Variants in PHF8 observed in about 807,000 individuals in gnomAD.
PHF8 encodes the protein PHD finger protein 8, also known as histone lysine demethylase PHF8.
Under a neutral mutation model 74.4 loss-of-function variants are expected in PHF8, and 9 were observed. The observed-to-expected ratio is 0.12, with a 90% CI of 0.07 to 0.21. The LOEUF is 0.21. Among genes scored for constraint, PHF8 ranks in the 10% least tolerant of loss-of-function variants. The pLI is 1.00. For synonymous variants in PHF8, 311 were observed against 316.6 expected (o/e 0.98, Z 0.19); for missense variants, 478 against 816.6 (o/e 0.59, Z 5.05).
chrX:53,938,962 A>G lies in PHF8; in HGVS notation c.*196T>C. 1 of 1,003,647 alleles carries G rather than the reference A, an allele frequency of 1.0e-6. No individual in the cohort carries two copies. Among genetic ancestry groups the G allele is most frequent in the Non-Finnish European group, 1.3e-6 (1 of 793,836 alleles). The allele number at this position is 1,003,647 out of a possible 1,213,427, so 82.7% of individuals were successfully genotyped here. Reference sequence around the variant, plus strand: ...CTGCTCCTCAGTGGAGAAGGCAGGCAGGATGCTCTAGTGAAAGTGGGGAAG... The same window carrying G: ...CTGCTCCTCAGTGGAGAAGGCAGGCGGGATGCTCTAGTGAAAGTGGGGAAG... On this transcript the variant is annotated 3_prime_UTR_variant, in exon 22 of 22. Coordinates refer to ENST00000338154, the MANE Select transcript of PHF8 (RefSeq NM_015107.3).
chrX:53,960,813 A>C (rs1227716817), intron 19 of PHF8, among the ~76,000 whole-genome samples: 5 of 110,850 alleles, frequency 4.5e-5, no homozygotes, highest in African/African-American at 1.6e-4. Flanking sequence ...AAATTAAAAA[A>C]TGTATAGGGA....
At chrX:53,947,858 G>A (rs782486848) in intron 19 of PHF8, among the ~76,000 whole-genome samples, 2 of 112,144 alleles carry the variant, frequency 1.8e-5, no homozygotes, top group Non-Finnish European at 3.8e-5. Context: ...CTAGTCACAT[G>A]GAGAGGCCAC....
Position 53,985,011 on chromosome X carries a change from C to A in PHF8, c.2346G>T (p.Arg782=). Residue 782 remains arginine (R), a synonymous_variant, in exon 18 of 22, where the codon CGG becomes CGT. Transcript: ENST00000338154. ...QRTPGKRPIK[R]PAYWRTESEE... is the part of the protein sequence containing the mutation. ...CGCTCTCGGTTCTCCAGTATGCTGG[C>A]CGCTTGATGGGCCGCTTCCCTGGGG... 8.3e-7 allele frequency: 1 copy of A among 1,211,125 alleles called. No homozygotes were observed. The highest frequency in any genetic ancestry group is 1.1e-6 in the Non-Finnish European group (1 of 894,776).
At chrX:53,966,648 C>T (rs1449468205) in intron 18 of PHF8, among the ~76,000 whole-genome samples, 78 of 111,605 alleles carry the variant, frequency 7.0e-4, no homozygotes, top group Non-Finnish European at 1.3e-3. Flanking sequence ...ACTGCCCGGC[C>T]GCCACTCCGT....
At chrX:54,026,471 G>T (rs1014336730) in intron 2 of PHF8, among the ~76,000 whole-genome samples, 2 of 110,137 alleles carry the variant, frequency 1.8e-5, no homozygotes, top group African/African-American at 6.6e-5. Flanking sequence ...CCCACTACCT[G>T]CCTCTTCTCT....
intron 19 of PHF8, among the ~76,000 whole-genome samples, chrX:53,957,213 G>A (rs1446513102): frequency 9.1e-6 from 1 of 109,762 alleles, no homozygotes; most frequent in Non-Finnish European, 1.9e-5. Context: ...AAAATTAGCT[G>A]GGTGCGGTGG....
intron 2 of PHF8, among the ~76,000 whole-genome samples, chrX:54,029,356 C>T (rs1364744342): frequency 8.9e-6 from 1 of 111,966 alleles, no homozygotes; most frequent in African/African-American, 3.3e-5. Flanking sequence ...AAAGTATAAA[C>T]TTACCATGGC....
chrX:53,972,513 G>A (rs1243621188), intron 18 of PHF8, among the ~76,000 whole-genome samples: 2 of 110,640 alleles, frequency 1.8e-5, no homozygotes, highest in Admixed American at 9.7e-5. Flanking sequence ...ATCAATAAAC[G>A]TAATTCATCA....
Position 53,990,823 on chromosome X carries a change from A to G in PHF8, c.1730+1913T>C, listed in dbSNP as rs185820375. Among the ~76,000 whole-genome samples, 172 of 111,187 alleles carry G rather than the reference A, an allele frequency of 1.5e-3. 1 individual carries two copies. The highest frequency in any genetic ancestry group is 5.2e-3 in the African/African-American group (159 of 30,577). Reference sequence around the variant, plus strand: ...TCTGAGTATCTAGAAAATAGCCCTTACTGCCTTCCCCTGCCTCTATGTATT... The same window carrying G: ...TCTGAGTATCTAGAAAATAGCCCTTGCTGCCTTCCCCTGCCTCTATGTATT... On this transcript the variant is annotated intron_variant, in intron 14 of 21. Transcript: ENST00000338154.
chrX:53,966,421 A>G (rs1484167693), intron 18 of PHF8, among the ~76,000 whole-genome samples: 8 of 112,238 alleles, frequency 7.1e-5, no homozygotes, highest in Admixed American at 4.7e-4. Context: ...TTTGGTGGAG[A>G]CTGGGTTTCG....
At chrX:54,045,946 G>T (rs1351598805), upstream of PHF8, among the ~76,000 whole-genome samples, 291 of 21,298 alleles carry the variant, frequency 0.014, 1 homozygote, top group East Asian at 0.065. Context: ...ATGGTTTAGG[G>T]TTTTTTTTTT....
chrX:54,048,391 G>C (rs1228760647), upstream of PHF8, among the ~76,000 whole-genome samples: 1 of 111,654 alleles, frequency 9.0e-6, no homozygotes, highest in Non-Finnish European at 1.9e-5. Flanking sequence ...CAACCTGTGT[G>C]GTGTGGGAAC....
intron 19 of PHF8, among the ~76,000 whole-genome samples, chrX:53,956,812 T>C (rs1176860740): frequency 1.8e-5 from 2 of 110,545 alleles, no homozygotes; most frequent in Non-Finnish European, 3.8e-5. Flanking sequence ...AAATTTACAA[T>C]GGAAGAAACT....
intron 18 of PHF8, among the ~76,000 whole-genome samples, chrX:53,971,862 C>G (rs2149809312): frequency 9.0e-6 from 1 of 110,912 alleles, no homozygotes; most frequent in Non-Finnish European, 1.9e-5. Flanking sequence ...CCAAAAAAAG[C>G]CCAGGACCAG....
At chrX:53,967,130 G>A (rs1447592842) in intron 18 of PHF8, among the ~76,000 whole-genome samples, 5 of 110,040 alleles carry the variant, frequency 4.5e-5, no homozygotes, top group Non-Finnish European at 7.7e-5. Flanking sequence ...TGCCCCATCC[G>A]GGAGGGAGGT....
At chrX:54,028,044 A>C (rs1248059763) in intron 2 of PHF8, among the ~76,000 whole-genome samples, 2 of 109,732 alleles carry the variant, frequency 1.8e-5, no homozygotes, top group African/African-American at 6.6e-5. Flanking sequence ...GAAGAATGGT[A>C]GTGAGGGTGA....
At chrX:53,982,358 C>T (rs1374915706) in intron 18 of PHF8, among the ~76,000 whole-genome samples, 1 of 112,584 alleles carries the variant, frequency 8.9e-6, no homozygotes, top group Non-Finnish European at 1.9e-5. Flanking sequence ...CAGGAATAGA[C>T]AAGTTGATTT....
At chrX:54,022,220 C>T in intron 4 of PHF8, 39 bp downstream of exon 4, 1 of 801,758 alleles carries the variant, frequency 1.2e-6, no homozygotes, top group Non-Finnish European at 1.9e-6. Context: ...CTTCCCAGAG[C>T]CCTGGCATTC....
chrX:54,048,188 CAAAA>C (rs10709409), upstream of PHF8, among the ~76,000 whole-genome samples: 1 of 86,806 alleles, frequency 1.2e-5, no homozygotes. Flanking sequence ...GACTCCATCT[CAAAA>C]AAAAAAAAAA....
Sources: allele counts gnomAD v4.1 joint callset (sites outside exome capture counted in the v4.1 genomes callset), GRCh38; gene constraint gnomAD v4.1.1; transcripts MANE v1.5; gene names NCBI Gene and HGNC (gene_info 2026-07-23, HGNC 2026-07-21).